Variants in ATG5 observed in about 807,000 individuals in gnomAD.
The protein encoded by ATG5 is autophagy related 5, also known as autophagy protein 5.
Under a neutral mutation model 36.5 loss-of-function variants are expected in ATG5, and 14 were observed. The observed-to-expected ratio is 0.38, with a 90% CI of 0.25 to 0.60. The LOEUF (loss-of-function observed/expected upper bound fraction) is 0.60, where lower values mean the gene tolerates loss of function less well. Ranked by LOEUF, ATG5 falls within the 20% of genes least tolerant of loss-of-function variation. ATG5 has a pLI of 0.60. For missense variants in ATG5, 195 were observed against 326.7 expected, an observed-to-expected ratio of 0.60 and a Z score of 3.11; for synonymous variants, 95 against 101.5, an observed-to-expected ratio of 0.94 and a Z score of 0.38.
At chr6:106,214,390 G>A (rs1423261787) in intron 6 of ATG5, among the ~76,000 whole-genome samples, 1 of 152,022 alleles carries the variant, frequency 6.6e-6, no homozygotes, top group African/African-American at 2.4e-5. Flanking sequence ...TAGGAGAGTT[G>A]AAAATAAGCA....
At chr6:106,211,433 G>A (rs550299922) in intron 6 of ATG5, among the ~76,000 whole-genome samples, 4 of 152,208 alleles carry the variant, frequency 2.6e-5, no homozygotes, top group Non-Finnish European at 5.9e-5. Flanking sequence ...TGGACAGGCC[G>A]GGCGTGGTGG....
At chr6:106,276,100 G>A (rs1189685689) in intron 5 of ATG5, among the ~76,000 whole-genome samples, 1 of 152,188 alleles carries the variant, frequency 6.6e-6, no homozygotes, top group Non-Finnish European at 1.5e-5. Flanking sequence ...CACACAAACT[G>A]TATTAGTGTT....
chr6:106,217,705 G>A (rs985933125), intron 6 of ATG5: 6 of 152,182 alleles, frequency 3.9e-5, no homozygotes, highest in African/African-American at 1.4e-4. Flanking sequence ...ATCCAGGTCA[G>A]AGTTTATAGT....
intron 4 of ATG5, chr6:106,283,857 T>C (rs1222705674): frequency 6.6e-6 from 1 of 152,274 alleles, no homozygotes; most frequent in Non-Finnish European, 1.5e-5. Context: ...TGGTGACTTG[T>C]GTTTTCATTG....
At chr6:106,205,878 T>C (rs1361735029) in intron 6 of ATG5, among the ~76,000 whole-genome samples, 1 of 152,222 alleles carries the variant, frequency 6.6e-6, no homozygotes, top group African/African-American at 2.4e-5. Flanking sequence ...GAAAATCTTA[T>C]TTTAAAACAC....
chr6:106,231,935 G>T (rs1172568320), intron 6 of ATG5, among the ~76,000 whole-genome samples: 1 of 152,246 alleles, frequency 6.6e-6, no homozygotes, highest in East Asian at 1.9e-4. Context: ...TGCCTAATAG[G>T]GTTTGCTTCC....
At chr6:106,248,700 A>G (rs1027117262) in intron 5 of ATG5, among the ~76,000 whole-genome samples, 15 of 152,186 alleles carry the variant, frequency 9.9e-5, no homozygotes, top group Non-Finnish European at 1.3e-4. Flanking sequence ...CTTTAGGAGG[A>G]GGCTGAGGCG....
chr6:106,296,409 CAG>C (rs1769935546), intron 3 of ATG5, among the ~76,000 whole-genome samples: 1 of 152,134 alleles, frequency 6.6e-6, no homozygotes, highest in Admixed American at 6.5e-5. Flanking sequence ...GACACTAAAA[CAG>C]TAAGAATTTG....
chr6:106,232,207 A>G (rs1039244719), intron 6 of ATG5, among the ~76,000 whole-genome samples: 2 of 152,114 alleles, frequency 1.3e-5, no homozygotes, highest in Non-Finnish European at 2.9e-5. Context: ...TGTCTCCTGG[A>G]CACTGGTGTG....
intron 5 of ATG5, among the ~76,000 whole-genome samples, chr6:106,273,088 T>C (rs889771263): frequency 5.9e-5 from 9 of 152,300 alleles, no homozygotes; most frequent in African/African-American, 2.2e-4. Context: ...CTAAAGACTG[T>C]AAAAAAGGAA....
chr6:106,271,066 C>CTACAT (rs1163245674), intron 5 of ATG5, among the ~76,000 whole-genome samples: 1 of 152,174 alleles, frequency 6.6e-6, no homozygotes, highest in Non-Finnish European at 1.5e-5. Flanking sequence ...ATATCATATT[C>CTACAT]TACATCTCAT....
At chr6:106,273,272 G>C (rs1779522675) in intron 5 of ATG5, among the ~76,000 whole-genome samples, 1 of 152,174 alleles carries the variant, frequency 6.6e-6, no homozygotes, top group Non-Finnish European at 1.5e-5. Flanking sequence ...GGTAGTAGCT[G>C]CATCAAGTCT....
At chr6:106,276,700 AC>A (rs1779670831) in intron 5 of ATG5, among the ~76,000 whole-genome samples, 1 of 152,128 alleles carries the variant, frequency 6.6e-6, no homozygotes, top group Non-Finnish European at 1.5e-5. Context: ...AAGAACACCT[AC>A]TTAACTGTCT....
chr6:106,285,747 CTTTA>C (rs1330706296), intron 4 of ATG5, among the ~76,000 whole-genome samples: 4 of 152,192 alleles, frequency 2.6e-5, no homozygotes, highest in Non-Finnish European at 5.9e-5. Flanking sequence ...TTCAATGCAA[CTTTA>C]TTTATGGTCA....
chr6:106,316,160 G>A lies in ATG5; in HGVS notation c.49C>T (p.Pro17Ser), dbSNP rs1770841142. Reference sequence around the variant, plus strand: ...TCCTGATATAGCGTGAAACAAGTTGGAATTCGTCCAAACCACACATCTCGA... The same window carrying A: ...TCCTGATATAGCGTGAAACAAGTTGAAATTCGTCCAAACCACACATCTCGA... ...VLRDVWFGRI[P>S]TCFTLYQDEI... Residue 17 changes from proline to serine, a missense_variant, in exon 2 of 8, where the codon CCA (proline) becomes TCA (serine). By Grantham distance (74) the Pro-to-Ser change is moderately conservative. Transcript: ENST00000369076. The A allele has an allele frequency of 1.9e-6, 3 of 1,613,638 alleles. No individual in the cohort carries two copies. The highest frequency in any genetic ancestry group is 2.5e-6 in the Non-Finnish European group (3 of 1,179,760).
At chr6:106,323,011 C>G (rs1488608723) in intron 1 of ATG5, among the ~76,000 whole-genome samples, 1 of 152,096 alleles carries the variant, frequency 6.6e-6, no homozygotes, top group African/African-American at 2.4e-5. Flanking sequence ...GCTCTGCCTC[C>G]CGGGTTCATG....
chr6:106,231,741 T>G (rs752337443), intron 6 of ATG5, among the ~76,000 whole-genome samples: 1 of 152,098 alleles, frequency 6.6e-6, no homozygotes, highest in Non-Finnish European at 1.5e-5. Flanking sequence ...AAAGTCTGCC[T>G]TAGGCCCGGA....
rs555791006 is a variant in ATG5, at chr6:106,246,697, T to C, written c.573+1453A>G. 3.0e-3 allele frequency among the ~76,000 whole-genome samples: 455 copies of C among 152,338 alleles called. 1 individual carries two copies. Among genetic ancestry groups the C allele is most frequent in the Non-Finnish European group, 4.9e-3 (330 of 68,034 alleles). On this transcript the variant is annotated intron_variant, in intron 6 of 7. Transcript: ENST00000369076. ...TGACCCAAATAAGTGCTGAGAGGTA[T>C]AAATCTCAAAACAGTTTCCGGACTC...
chr6:106,324,994 G>A lies in ATG5; in HGVS notation c.-59+532C>T, dbSNP rs141593318. 8.4e-3 allele frequency among the ~76,000 whole-genome samples: 1,274 copies of A among 152,250 alleles called. 13 individuals carry two copies. Among genetic ancestry groups the A allele is most frequent in the Middle Eastern group, 0.024 (7 of 294 alleles). On this transcript the variant is annotated intron_variant, in intron 1 of 7. Coordinates refer to ENST00000369076, the MANE Select transcript of ATG5 (RefSeq NM_004849.4). ...CCCTCAGAAAAATCTAGAACCAATA[G>A]TTTCCTAGGTTCCTCAAGTTCAGGA...
Sources: allele counts gnomAD v4.1 joint callset (sites outside exome capture counted in the v4.1 genomes callset), GRCh38; gene constraint gnomAD v4.1.1; transcripts MANE v1.5; gene names NCBI Gene and HGNC (gene_info 2026-07-23, HGNC 2026-07-21).